ASTN1: variants seen among roughly 807,000 people sequenced by gnomAD.
ASTN1 encodes the protein astrotactin-1.
A neutral mutation model predicts 140.7 loss-of-function variants in ASTN1; 41 were observed. The observed-to-expected ratio is 0.29, with a 90% confidence interval of 0.23 to 0.38. The LOEUF (loss-of-function observed/expected upper bound fraction) is 0.38. Ranked by LOEUF, ASTN1 falls within the 10% of genes least tolerant of loss-of-function variation. ASTN1 has a pLI of 1.00. For synonymous variants in ASTN1, 640 were observed against 652.2 expected, an observed-to-expected ratio of 0.98 and a Z score of 0.29; for missense variants, 1,479 against 1,678.8, an observed-to-expected ratio of 0.88 and a Z score of 2.08.
chr1:176,906,969 C>G (rs1670032997), intron 16 of ASTN1, among the ~76,000 whole-genome samples: 2 of 152,018 alleles, frequency 1.3e-5, no homozygotes, highest in Admixed American at 6.6e-5. Context: ...AGGAGAGATG[C>G]CTTAGAGATG....
intron 8 of ASTN1, among the ~76,000 whole-genome samples, chr1:177,007,829 G>C: frequency 6.6e-6 from 1 of 152,164 alleles, no homozygotes; most frequent in East Asian, 1.9e-4. Flanking sequence ...AGGCCTTTGT[G>C]CAAATTAGAA....
At chr1:176,858,334 AAACTGCTCATT>A (rs1290616643), downstream of ASTN1, among the ~76,000 whole-genome samples, 4 of 152,254 alleles carry the variant, frequency 2.6e-5, no homozygotes, top group Non-Finnish European at 4.4e-5. Flanking sequence ...ATTTGAAATC[AAACTGCTCATT>A]AACTGCTCAC....
intron 8 of ASTN1, among the ~76,000 whole-genome samples, chr1:176,970,573 AG>A (rs534357359): frequency 2.6e-4 from 39 of 152,100 alleles, no homozygotes; most frequent in Middle Eastern, 3.4e-3. Flanking sequence ...GTAGGTAGGT[AG>A]GTAGGTAGGT....
At chr1:176,983,275 C>A (rs912789894) in intron 8 of ASTN1, among the ~76,000 whole-genome samples, 7 of 152,036 alleles carry the variant, frequency 4.6e-5, no homozygotes, top group African/African-American at 1.7e-4. Context: ...ATGACAAGCC[C>A]CTGGAGATCT....
At chr1:177,150,771 C>T (rs1571856023) in intron 1 of ASTN1, among the ~76,000 whole-genome samples, 2 of 152,120 alleles carry the variant, frequency 1.3e-5, no homozygotes, top group Middle Eastern at 3.4e-3. Flanking sequence ...GTGTTGTGTA[C>T]TTCAGGGGTT....
intron 2 of ASTN1, among the ~76,000 whole-genome samples, chr1:177,047,918 G>A (rs1216902064): frequency 2.0e-5 from 3 of 152,154 alleles, no homozygotes; most frequent in Non-Finnish European, 4.4e-5. Flanking sequence ...ATTTTCCTTT[G>A]TTCCTTCTCT....
chr1:176,890,065 G>T (rs1408058781), intron 17 of ASTN1, among the ~76,000 whole-genome samples: 1 of 152,236 alleles, frequency 6.6e-6, no homozygotes, highest in Admixed American at 6.5e-5. Context: ...CTAAGCACCT[G>T]CAAGGGGCCA....
chr1:177,020,670 T>C (rs1265235890), intron 7 of ASTN1, among the ~76,000 whole-genome samples: 1 of 152,200 alleles, frequency 6.6e-6, no homozygotes, highest in Non-Finnish European at 1.5e-5. Context: ...TCACAGGTCC[T>C]GGAGATGAGA....
intron 1 of ASTN1, among the ~76,000 whole-genome samples, chr1:177,103,232 C>T (rs1680383789): frequency 6.6e-6 from 1 of 152,134 alleles, no homozygotes; most frequent in Non-Finnish European, 1.5e-5. Flanking sequence ...AAAACAACTT[C>T]CTGACTCATA....
At chr1:177,139,253 A>G (rs1408631607) in intron 1 of ASTN1, among the ~76,000 whole-genome samples, 1 of 152,246 alleles carries the variant, frequency 6.6e-6, no homozygotes, top group Non-Finnish European at 1.5e-5. Context: ...CAAAGTGAGC[A>G]ATTAAGTAAT....
At chr1:177,161,637 A>G (rs1391661200) in intron 1 of ASTN1, among the ~76,000 whole-genome samples, 1 of 152,216 alleles carries the variant, frequency 6.6e-6, no homozygotes, top group Non-Finnish European at 1.5e-5. Context: ...GGAGGGATAA[A>G]GGGCTGGAGA....
intron 1 of ASTN1, among the ~76,000 whole-genome samples, chr1:177,107,585 T>C (rs989605128): frequency 6.6e-6 from 1 of 152,130 alleles, no homozygotes; most frequent in African/African-American, 2.4e-5. Context: ...GGATGAAGAA[T>C]AGTGAGATTC....
intron 1 of ASTN1, among the ~76,000 whole-genome samples, chr1:177,136,336 G>GT (rs893296961): frequency 2.1e-5 from 3 of 146,276 alleles, no homozygotes; most frequent in Non-Finnish European, 3.0e-5. Context: ...TGTGTTTTTT[G>GT]TTTTTTTATT....
intron 1 of ASTN1, among the ~76,000 whole-genome samples, chr1:177,096,666 T>A (rs1680039930): frequency 6.6e-6 from 1 of 152,094 alleles, no homozygotes; most frequent in Admixed American, 6.6e-5. Flanking sequence ...AGATCTGTGG[T>A]TTTGTAAAGG....
At chr1:177,126,721 A>T (rs1191537819) in intron 1 of ASTN1, among the ~76,000 whole-genome samples, 1 of 152,220 alleles carries the variant, frequency 6.6e-6, no homozygotes, top group East Asian at 1.9e-4. Flanking sequence ...ATAACGTGTC[A>T]TCATGCATCA....
At chr1:177,111,455 C>T (rs1680820027) in intron 1 of ASTN1, among the ~76,000 whole-genome samples, 1 of 152,138 alleles carries the variant, frequency 6.6e-6, no homozygotes, top group African/African-American at 2.4e-5. Flanking sequence ...TTCTGCATTT[C>T]TAACAAGCTC....
intron 1 of ASTN1, among the ~76,000 whole-genome samples, chr1:177,104,621 C>T (rs1265013839): frequency 1.3e-5 from 2 of 152,180 alleles, no homozygotes; most frequent in African/African-American, 2.4e-5. Context: ...GTGTGATTTT[C>T]GCAGTTTAAC....
chr1:176,902,803 A>C (rs908568265), intron 16 of ASTN1, among the ~76,000 whole-genome samples: 1 of 152,202 alleles, frequency 6.6e-6, no homozygotes, highest in Non-Finnish European at 1.5e-5. Context: ...ACTTAGTGTA[A>C]AAAATAAAGA....
intron 2 of ASTN1, among the ~76,000 whole-genome samples, chr1:177,054,873 G>T (rs1264022753): frequency 6.6e-6 from 1 of 152,202 alleles, no homozygotes; most frequent in Non-Finnish European, 1.5e-5. Flanking sequence ...AAACAGGTGT[G>T]AAAGAGCCAA....
Sources: allele counts gnomAD v4.1 joint callset (sites outside exome capture counted in the v4.1 genomes callset), GRCh38; gene constraint gnomAD v4.1.1; transcripts MANE v1.5; gene names NCBI Gene and HGNC (gene_info 2026-07-23, HGNC 2026-07-21).